Variants in TNIK observed in about 807,000 individuals in gnomAD.
TNIK encodes TRAF2 and NCK-interacting protein kinase.
TNIK carries 49 observed loss-of-function variants against 191.3 expected under a neutral mutation model. The ratio of observed to expected loss-of-function variants is 0.26; its 90% CI spans 0.20 to 0.32. TNIK has a LOEUF of 0.32. TNIK is among the 10% of genes least tolerant of loss of function. The pLI is 1.00. For synonymous variants in TNIK, 594 were observed against 600.9 expected (o/e 0.99, Z 0.17); for missense variants, 1,155 against 1,702.3 (o/e 0.68, Z 5.66).
At chr3:171,087,214 C>T in intron 24 of TNIK, 128 bp downstream of exon 24, 8 of 1,331,516 alleles carry the variant, frequency 6.0e-6, no homozygotes, top group Non-Finnish European at 7.2e-6. Context: ...GCATAAGTAG[C>T]TCTATGGTAG....
At chr3:171,415,728 C>T (rs1307013596) in intron 1 of TNIK, among the ~76,000 whole-genome samples, 1 of 151,864 alleles carries the variant, frequency 6.6e-6, no homozygotes, top group Non-Finnish European at 1.5e-5. Context: ...AGCCTCTAAT[C>T]CCAGCACTTT....
intron 2 of TNIK, among the ~76,000 whole-genome samples, chr3:171,284,350 T>G (rs909172475): frequency 6.6e-5 from 10 of 152,174 alleles, no homozygotes; most frequent in Non-Finnish European, 1.2e-4. Flanking sequence ...TAGTAGTTCT[T>G]TGTGAAAAAT....
chr3:171,404,534 T>C (rs1049729686), intron 1 of TNIK, among the ~76,000 whole-genome samples: 8 of 152,098 alleles, frequency 5.3e-5, no homozygotes, highest in African/African-American at 1.9e-4. Flanking sequence ...GTTTGTTTTT[T>C]TTTTTAACCG....
chr3:171,436,392 A>T (rs975417521), intron 1 of TNIK, among the ~76,000 whole-genome samples: 6 of 152,228 alleles, frequency 3.9e-5, no homozygotes. Context: ...TATTTGCAAC[A>T]TGGCAGGCAC....
chr3:171,393,049 A>C (rs914912626), intron 1 of TNIK, among the ~76,000 whole-genome samples: 1 of 152,104 alleles, frequency 6.6e-6, no homozygotes, highest in Non-Finnish European at 1.5e-5. Context: ...CCACTTTTTC[A>C]GTATGTCTAA....
intron 4 of TNIK, among the ~76,000 whole-genome samples, chr3:171,209,064 G>GTGTGTGTGTGT (rs1553856583): frequency 1.4e-5 from 2 of 142,016 alleles, no homozygotes; most frequent in African/African-American, 5.3e-5. Context: ...CTTTGGAAGG[G>GTGTGTGTGTGT]GTGTGTGTGT....
At position 171,145,505 on chromosome 3, in the gene TNIK, C is replaced by T. The variant is rs117578977; in HGVS notation, c.1222-4996G>A. 1.2e-4 allele frequency among the ~76,000 whole-genome samples: 19 copies of T among 152,236 alleles called. No individual in the cohort carries two copies. In the East Asian group the frequency reaches 2.3e-3, roughly 19 times the overall value. On this transcript the variant is annotated intron_variant, in intron 12 of 32. Transcript: ENST00000436636. ...ATCCTCCCTATGAATGCTCCCCTCACGCTACCTCTAGGTGGAGGCTGTGTG... is the reference window on the plus strand; with the variant it reads ...ATCCTCCCTATGAATGCTCCCCTCATGCTACCTCTAGGTGGAGGCTGTGTG...
Position 171,065,676 on chromosome 3 carries a change from G to C in TNIK, c.3999+511C>G, listed in dbSNP as rs183691027. 1.6e-3 allele frequency among the ~76,000 whole-genome samples: 251 copies of C among 152,324 alleles called. 2 individuals are homozygous for C. The highest frequency in any genetic ancestry group is 3.0e-3 in the Non-Finnish European group (207 of 68,030). On this transcript the variant is annotated intron_variant, in intron 32 of 32. Coordinates refer to ENST00000436636, the MANE Select transcript of TNIK (RefSeq NM_015028.4). ...TGACATTTCAGAAGAAACATGGCTG[G>C]AATGACACAAGACATGGCACTAGTT...
At position 171,306,601 on chromosome 3, in the gene TNIK, G is replaced by A. The variant is rs78565805; in HGVS notation, c.123+63019C>T. Among the ~76,000 whole-genome samples the A allele has an allele frequency of 4.3e-3, 660 of 152,230 alleles. 9 individuals carry two copies. Among genetic ancestry groups the A allele is most frequent in the African/African-American group, 0.015 (631 of 41,544 alleles). On this transcript the variant is annotated intron_variant, in intron 2 of 32. Transcript: ENST00000436636. ...GAAATTTTTTAATCTTTCCATTTCA[G>A]TGACCAATGGTGAGACTCTTAAACG...
chr3:171,128,817 T>C lies in TNIK; in HGVS notation c.1670A>G (p.Asn557Ser), dbSNP rs1303037300. The C allele has an allele frequency of 2.5e-6, 4 of 1,600,958 alleles. No homozygotes were observed. Among genetic ancestry groups the C allele is most frequent in the Non-Finnish European group, 2.6e-6 (3 of 1,174,790 alleles). Residue 557 changes from asparagine to serine, a missense_variant, in exon 16 of 33, where the codon AAC becomes AGC. By Grantham distance (46) the Asn-to-Ser change is conservative. Around this residue, in one of 3 missense-constraint regions of TNIK, gnomAD observed 735 missense variants for 848.0 expected, o/e 0.87. Coordinates refer to ENST00000436636, the MANE Select transcript of TNIK (RefSeq NM_015028.4). ...GGGCAGGTTGGGGTCAGATATCCTG[T>C]TGGCAACCTTGTGAGGCATGGCAGG... The part of the protein sequence containing the change: ...SSPAMPHKVA[N>S]RISDPNLPPR...
At chr3:171,452,757 CACACACACACACACAT>C (rs1041469469) in intron 1 of TNIK, among the ~76,000 whole-genome samples, 1 of 151,804 alleles carries the variant, frequency 6.6e-6, no homozygotes, top group African/African-American at 2.4e-5. Flanking sequence ...CACACACACA[CACACACACACACACAT>C]ACGCCTTGCA....
At chr3:171,134,860 G>A (rs531701656) in intron 15 of TNIK, among the ~76,000 whole-genome samples, 38 of 152,112 alleles carry the variant, frequency 2.5e-4, no homozygotes, top group Non-Finnish European at 4.3e-4. Context: ...AAGGACTATC[G>A]ATTTGGAATG....
At chr3:171,405,489 T>A (rs1721542568) in intron 1 of TNIK, among the ~76,000 whole-genome samples, 2 of 136,080 alleles carry the variant, frequency 1.5e-5, no homozygotes, top group Admixed American at 1.5e-4. Flanking sequence ...ACAAGACAAC[T>A]CTCAATCACC....
intron 2 of TNIK, among the ~76,000 whole-genome samples, chr3:171,282,749 A>G (rs1478671990): frequency 6.6e-6 from 1 of 152,250 alleles, no homozygotes; most frequent in Non-Finnish European, 1.5e-5. Context: ...GCTCATGGAC[A>G]AACTATGTAA....
chr3:171,410,069 T>A (rs556323892), intron 1 of TNIK, among the ~76,000 whole-genome samples: 10 of 152,120 alleles, frequency 6.6e-5, no homozygotes, highest in Non-Finnish European at 1.5e-4. Context: ...AGCAGCAATT[T>A]ATACAGGGTT....
intron 2 of TNIK, among the ~76,000 whole-genome samples, chr3:171,350,623 CAAAG>C (rs991734352): frequency 2.0e-4 from 23 of 117,160 alleles, no homozygotes; most frequent in African/African-American, 7.6e-4. Context: ...AAAAAATGCC[CAAAG>C]AAACTCAATC....
intron 2 of TNIK, among the ~76,000 whole-genome samples, chr3:171,349,087 A>G (rs35090770): frequency 0.28 from 42,983 of 151,672 alleles, 6,939 homozygotes; most frequent in Admixed American, 0.38. Flanking sequence ...CTAGAATCCT[A>G]GAAATACTAG....
At chr3:171,080,435 A>ATTTTTTTTTTTTTTT (rs1395964444) in intron 27 of TNIK, among the ~76,000 whole-genome samples, 1 of 147,534 alleles carries the variant, frequency 6.8e-6, no homozygotes, top group African/African-American at 2.6e-5. Context: ...TTATTTATTT[A>ATTTTTTTTTTTTTTT]TTTATTTATT....
rs1013662029 is a variant in TNIK, at chr3:171,190,684, A to G, written c.508+13T>C. 6.4e-7 allele frequency: 1 copy of G among 1,572,836 alleles called. No homozygotes were observed. Among genetic ancestry groups the G allele is most frequent in the African/African-American group, 1.3e-5 (1 of 74,530 alleles). On this transcript the variant is annotated intron_variant, in intron 6 of 32. Coordinates refer to ENST00000436636, the MANE Select transcript of TNIK (RefSeq NM_015028.4). Reference sequence around the variant, plus strand: ...TTCCTGCAATTCCAAGGCTCACAGGATTCTGCTCTTACCTAGTTTAACTTC... The same window carrying G: ...TTCCTGCAATTCCAAGGCTCACAGGGTTCTGCTCTTACCTAGTTTAACTTC...
Sources: gnomAD v4.1 joint callset for allele counts (sites outside exome capture counted in the v4.1 genomes callset) on GRCh38, gnomAD v4.1.1 for gene constraint, gnomAD v4.1.1 regional missense constraint, MANE v1.5 for transcripts, NCBI Gene and HGNC (gene_info 2026-07-23, HGNC 2026-07-21) for gene names.